Variants in TOGARAM2 observed in about 807,000 individuals in gnomAD.
The protein encoded by TOGARAM2 is TOG array regulator of axonemal microtubules protein 2.
Under a neutral mutation model 93.3 loss-of-function variants are expected in TOGARAM2, and 85 were observed. The observed-to-expected ratio is 0.91, with a 90% confidence interval of 0.76 to 1.09. The LOEUF is 1.09. TOGARAM2 is among the 50% of genes least tolerant of loss of function. The pLI, the probability that TOGARAM2 is intolerant of heterozygous loss-of-function variation, is 0.00. For synonymous variants in TOGARAM2, 593 were observed against 552.8 expected (o/e 1.07, Z -1.02); for missense variants, 1,277 against 1,334.5 (o/e 0.96, Z 0.67).
chr2:29,046,209 G>T (rs1666730710), intron 19 of TOGARAM2: 1 of 152,278 alleles, frequency 6.6e-6, no homozygotes, highest in Admixed American at 6.5e-5. Flanking sequence ...TCTGCTTTGA[G>T]TCTGCAGGAG....
At chr2:29,005,454 A>T (rs1572682690) in intron 6 of TOGARAM2, among the ~76,000 whole-genome samples, 3 of 123,546 alleles carry the variant, frequency 2.4e-5, no homozygotes, top group African/African-American at 9.9e-5. Context: ...TGTATGTGAG[A>T]GCATGTGTGA....
At chr2:28,968,866 C>T (rs892509820) in intron 1 of TOGARAM2, among the ~76,000 whole-genome samples, 10 of 124,138 alleles carry the variant, frequency 8.1e-5, no homozygotes, top group East Asian at 5.9e-4. Flanking sequence ...AAGCGCATGC[C>T]GAACGTGCTT....
At chr2:28,976,260 A>G (rs1220617536) in intron 1 of TOGARAM2, among the ~76,000 whole-genome samples, 1 of 152,076 alleles carries the variant, frequency 6.6e-6, no homozygotes, top group Non-Finnish European at 1.5e-5. Context: ...AGTCCCAGCT[A>G]CTCAGGAGGC....
Position 29,036,674 on chromosome 2 carries a change from C to T in TOGARAM2, c.2552C>T (p.Thr851Ile), listed in dbSNP as rs1572771220. 6.2e-7 allele frequency: 1 copy of T among 1,614,010 alleles called. No homozygotes were observed. Among genetic ancestry groups the T allele is most frequent in the East Asian group, 2.2e-5 (1 of 44,884 alleles). ...LHPMLLSIII[T>I]VADNLNSKNS... The stretch of plus-strand genomic sequence containing the variant: ...CCCATGCTGCTCTCCATCATCATCA[C>T]TGTTGCAGACAACCTCAACTCCAAG... The change falls in exon 18 of 20, where the codon ACT becomes ATT. Residue 851 changes from threonine (T) to isoleucine (I), a missense_variant. Physicochemically the swap from Thr to Ile is moderately conservative, Grantham distance 89. Transcript: ENST00000379558.
chr2:29,034,784 G>A (rs975742968), intron 16 of TOGARAM2, among the ~76,000 whole-genome samples: 2 of 152,142 alleles, frequency 1.3e-5, no homozygotes, highest in African/African-American at 2.4e-5. Context: ...AGCCAGCCAG[G>A]GATCAGGATA....
At chr2:28,964,396 CT>C (rs1203740142) in intron 1 of TOGARAM2, among the ~76,000 whole-genome samples, 8 of 148,816 alleles carry the variant, frequency 5.4e-5, no homozygotes, top group East Asian at 2.0e-4. Context: ...TGATGTATCT[CT>C]TTTTTTTCCT....
At chr2:29,038,465 G>GGTTTTT (rs541207550) in intron 18 of TOGARAM2, among the ~76,000 whole-genome samples, 1 of 152,170 alleles carries the variant, frequency 6.6e-6, no homozygotes, top group Non-Finnish European at 1.5e-5. Flanking sequence ...AAAATATACT[G>GGTTTTT]GTTTTTGTTT....
intron 1 of TOGARAM2, among the ~76,000 whole-genome samples, chr2:28,984,192 A>G (rs1672360868): frequency 6.6e-6 from 1 of 152,030 alleles, no homozygotes; most frequent in Non-Finnish European, 1.5e-5. Flanking sequence ...TTCTTGGCCC[A>G]ACTCACATCC....
chr2:29,048,532 C>T (rs1164763908), intron 19 of TOGARAM2: 1 of 152,182 alleles, frequency 6.6e-6, no homozygotes, highest in African/African-American at 2.4e-5. Flanking sequence ...CAACCACCAA[C>T]TACTTTCTGT....
intron 12 of TOGARAM2, 149 bp downstream of exon 12, chr2:29,023,340 C>T (rs1665100047): frequency 4.6e-6 from 3 of 648,002 alleles, no homozygotes; most frequent in Admixed American, 3.0e-5. Flanking sequence ...AGGAGGTAGC[C>T]ACCCATTTCT....
intron 19 of TOGARAM2, chr2:29,045,953 TCAGA>T (rs1287404777): frequency 2.9e-5 from 5 of 169,518 alleles, no homozygotes; most frequent in African/African-American, 1.2e-4. Flanking sequence ...GCCTCCTTTT[TCAGA>T]CAGACCATGC....
chr2:29,006,365 T>TGTGCATAGGTGTCAGTGCATGTTGTGA, intron 6 of TOGARAM2, among the ~76,000 whole-genome samples: 1 of 149,394 alleles, frequency 6.7e-6, no homozygotes, highest in Non-Finnish European at 1.5e-5. Context: ...AGTGCATGTG[T>TGTGCATAGGTGTCAGTGCATGTTGTGA]GTGCATGTGT....
intron 18 of TOGARAM2, among the ~76,000 whole-genome samples, chr2:29,042,825 C>T: frequency 6.6e-6 from 1 of 152,256 alleles, no homozygotes; most frequent in East Asian, 1.9e-4. Flanking sequence ...ACAGTGTCAG[C>T]AGGGCAATTA....
intron 2 of TOGARAM2, among the ~76,000 whole-genome samples, chr2:28,995,864 G>A (rs930132375): frequency 6.6e-6 from 1 of 152,240 alleles, no homozygotes; most frequent in Non-Finnish European, 1.5e-5. Flanking sequence ...TCCAGGTGGT[G>A]GCTTAGGTCC....
intron 1 of TOGARAM2, among the ~76,000 whole-genome samples, chr2:28,967,847 C>T (rs1421640282): frequency 2.5e-5 from 3 of 117,888 alleles, no homozygotes; most frequent in Non-Finnish European, 4.8e-5. Context: ...CTCTGTCGCT[C>T]TATTGCCCAG....
intron 1 of TOGARAM2, among the ~76,000 whole-genome samples, chr2:28,983,206 T>A (rs1192807505): frequency 0.25 from 9,561 of 37,854 alleles, 492 homozygotes; most frequent in Non-Finnish European, 0.32. Context: ...ATATTTTTTT[T>A]TTTTTTTTTT....
At chr2:29,036,304 G>C (rs1256385987) in intron 17 of TOGARAM2, among the ~76,000 whole-genome samples, 1 of 152,172 alleles carries the variant, frequency 6.6e-6, no homozygotes, top group Non-Finnish European at 1.5e-5. Flanking sequence ...CAACTAACAA[G>C]ACGCCCTGGA....
At chr2:28,999,543 G>A in intron 4 of TOGARAM2, 75 bp downstream of exon 4, 1 of 1,465,624 alleles carries the variant, frequency 6.8e-7, no homozygotes. Context: ...GGGCTGTGAG[G>A]GTCAGCAGGC....
At position 29,002,573 on chromosome 2, in the gene TOGARAM2, C is replaced by G. The variant is rs774068274; in HGVS notation, c.465C>G (p.Pro155=). Residue 155 remains proline (P), a synonymous_variant, in exon 5 of 20, where the codon CCC becomes CCG. Coordinates refer to ENST00000379558, the MANE Select transcript of TOGARAM2 (RefSeq NM_199280.4). The stretch of plus-strand genomic sequence containing the variant: ...CAGGGGGAGGCCCCCAAGGAGTTCC[C>G]CTGCACAGCACCATCCCCCGAGCCA... ...LDPGGGPQGV[P]LHSTIPRATS... The G allele has an allele frequency of 1.2e-6, 2 of 1,613,862 alleles. No individual in the cohort carries two copies. Among genetic ancestry groups the G allele is most frequent in the African/African-American group, 1.3e-5 (1 of 74,936 alleles).
Sources: allele counts gnomAD v4.1 joint callset (sites outside exome capture counted in the v4.1 genomes callset), GRCh38; gene constraint gnomAD v4.1.1; transcripts MANE v1.5; gene names NCBI Gene and HGNC (gene_info 2026-07-23, HGNC 2026-07-21).